The following CAPN7 variants were observed in gnomAD, a reference collection of about 807,000 sequenced individuals.
CAPN7 encodes the protein calpain 7.
In CAPN7, 72 loss-of-function variants were observed where a neutral mutation model predicts 115.2. The ratio of observed to expected loss-of-function variants is 0.63; its 90% CI spans 0.52 to 0.76. CAPN7 has a LOEUF of 0.76. Ranked by LOEUF, CAPN7 falls within the 30% of genes least tolerant of loss-of-function variation. The pLI, the probability that CAPN7 is intolerant of heterozygous loss-of-function variation, is 0.00. For synonymous variants in CAPN7, 344 were observed against 322.3 expected, an observed-to-expected ratio of 1.07 and a Z score of -0.72; for missense variants, 905 against 971.5, an observed-to-expected ratio of 0.93 and a Z score of 0.91.
At chr3:15,208,148 G>A (rs1009510216) in intron 1 of CAPN7, among the ~76,000 whole-genome samples, 1 of 150,670 alleles carries the variant, frequency 6.6e-6, no homozygotes, top group Admixed American at 6.6e-5. Flanking sequence ...GTCTGTTGTT[G>A]ACTGAAATGT....
chr3:15,249,774 CT>C lies in CAPN7; in HGVS notation c.2205-1147del, dbSNP rs998736762. On this transcript the variant is annotated intron_variant, in intron 19 of 20. Coordinates refer to ENST00000253693, the MANE Select transcript of CAPN7 (RefSeq NM_014296.3). ...TTGTTACAATAACAATTTTTTTTTT[CT>C]TTTTTTTTTGAGACAGAGTCTTGCT... Among the ~76,000 whole-genome samples, 21 of 144,052 alleles carry C rather than the reference CT, an allele frequency of 1.5e-4. No homozygotes were observed. The East Asian group carries it at 2.2e-3, about 15-fold the overall frequency. 94.5% of individuals were successfully genotyped at this position (144,052 alleles called of 152,430 possible).
Position 15,233,969 on chromosome 3 carries a change from C to G in CAPN7, c.1282C>G (p.Gln428Glu). The change falls in exon 11 of 21, where the codon CAA becomes GAA. Residue 428 changes from glutamine (Q) to glutamate (E), a missense_variant. Transcript: ENST00000253693. ...SKDNSFRMLYQRFHKGDVLIT... is the reference protein window; with the variant it reads ...SKDNSFRMLYERFHKGDVLIT... The stretch of plus-strand genomic sequence containing the variant: ...GGATAATTCTTTCAGAATGCTTTAT[C>G]AAAGGTAAACATTTTTCTTTGTTTT... The G allele has an allele frequency of 6.7e-7, 1 of 1,496,750 alleles. No individual in the cohort carries two copies. Among genetic ancestry groups the G allele is most frequent in the Non-Finnish European group, 9.3e-7 (1 of 1,078,848 alleles). The allele number at this position is 1,496,750 out of a possible 1,614,324, so 92.7% of individuals were successfully genotyped here. A position where few individuals can be genotyped will look rare whatever the true frequency, so the allele number is the denominator to read the frequency against.
rs547290915 is a variant in CAPN7, at chr3:15,227,745, T to C, written c.726-94T>C. ...GATAATACAGTACTGCTATAATCAC[T>C]AGACCAAAAAAAAAATCTCTAGGAA... is the stretch of plus-strand genomic sequence containing the variant. On this transcript the variant is annotated intron_variant, in intron 6 of 20. Transcript: ENST00000253693. The C allele has an allele frequency of 1.8e-5, 14 of 772,746 alleles. No homozygotes were observed. The East Asian group carries it at 4.4e-4, about 24-fold the overall frequency. 47.9% of individuals were successfully genotyped at this position (772,746 alleles called of 1,614,324 possible). A position where few individuals can be genotyped will look rare whatever the true frequency, so the allele number is the denominator to read the frequency against.
intron 1 of CAPN7, among the ~76,000 whole-genome samples, chr3:15,210,425 GATA>G (rs945854330): frequency 4.6e-5 from 7 of 151,942 alleles, no homozygotes; most frequent in African/African-American, 1.7e-4. Context: ...AATGTATTTA[GATA>G]ATGATGGTAT....
At chr3:15,235,712 G>T (rs917167901) in intron 12 of CAPN7, among the ~76,000 whole-genome samples, 4 of 151,708 alleles carry the variant, frequency 2.6e-5, no homozygotes, top group African/African-American at 9.7e-5. Flanking sequence ...TGATCTGACA[G>T]GGGGCAGAGC....
In CAPN7 at chr3:15,227,971, C is replaced by A. The variant is rs963879420; in HGVS notation, c.852+6C>A. 2 of 1,422,004 alleles carry A rather than the reference C, an allele frequency of 1.4e-6. No homozygotes were observed. The highest frequency in any genetic ancestry group is 1.8e-5 in the South Asian group (1 of 57,114). The allele number at this position is 1,422,004 out of a possible 1,614,324, so 88.1% of individuals were successfully genotyped here. ...CCAGTTTTAGCATAAAGCAGGTGAG[C>A]ATTTATTTTGTATGATTTTATAGAA... On this transcript the variant is annotated splice_donor_region_variant and intron_variant, in intron 7 of 20. Transcript: ENST00000253693.
At chr3:15,211,457 TGAGA>T (rs1363287542) in intron 1 of CAPN7, among the ~76,000 whole-genome samples, 1 of 152,136 alleles carries the variant, frequency 6.6e-6, no homozygotes, top group Admixed American at 6.5e-5. Context: ...ATGTTAAAAT[TGAGA>T]GAGAGCCTGG....
intron 1 of CAPN7, among the ~76,000 whole-genome samples, chr3:15,210,167 ATT>A (rs556065350): frequency 0.13 from 18,736 of 146,688 alleles, 3,893 homozygotes; most frequent in African/African-American, 0.43. Context: ...TACCTGGCTA[ATT>A]TTTTTTTTTT....
At chr3:15,227,731 A>T in intron 6 of CAPN7, 108 bp from the exon 7 acceptor site, 2 of 560,460 alleles carry the variant, frequency 3.6e-6, no homozygotes, top group Non-Finnish European at 5.7e-6. Context: ...ATAATACAGT[A>T]CTGCTATAAT....
intron 18 of CAPN7, 89 bp from the exon 19 acceptor site, chr3:15,247,235 CTTT>C (rs59046014): frequency 6.9e-4 from 515 of 745,850 alleles, no homozygotes; most frequent in Middle Eastern, 1.7e-3. Flanking sequence ...GGAAAATTGC[CTTT>C]TTTTTTTTTT....
chr3:15,250,817 C>G lies in CAPN7; in HGVS notation c.2205-114C>G, dbSNP rs546283935. On this transcript the variant is annotated intron_variant, in intron 19 of 20. Transcript: ENST00000253693. ...CAAAAATAGAGTGTGTATGTTTCTA[C>G]TGAAACTTCAGAAACATAAACTTAG... The G allele has an allele frequency of 1.2e-4, 84 of 722,034 alleles. No homozygotes were observed. The South Asian group carries it at 1.5e-3, about 13-fold the overall frequency. 44.7% of individuals were successfully genotyped at this position (722,034 alleles called of 1,614,324 possible).
chr3:15,249,659 T>G (rs1695883268), intron 19 of CAPN7, among the ~76,000 whole-genome samples: 1 of 152,218 alleles, frequency 6.6e-6, no homozygotes. Context: ...CCTTACTGAT[T>G]TGGAATGCCA....
intron 19 of CAPN7, among the ~76,000 whole-genome samples, chr3:15,249,019 A>C (rs1001671053): frequency 5.4e-5 from 8 of 148,218 alleles, no homozygotes; most frequent in Non-Finnish European, 1.0e-4. Context: ...AAAAAAAAAA[A>C]AAAAACAAAA....
chr3:15,242,840 T>C (rs151332279), intron 16 of CAPN7, among the ~76,000 whole-genome samples: 88 of 152,348 alleles, frequency 5.8e-4, no homozygotes, highest in African/African-American at 2.0e-3. Flanking sequence ...ACACATTGTG[T>C]TGAAACCACT....
chr3:15,229,156 T>C (rs1694515678), intron 8 of CAPN7, 97 bp downstream of exon 8: 1 of 809,516 alleles, frequency 1.2e-6, no homozygotes. Context: ...GGAGAGGGCA[T>C]ATCATTCAGA....
intron 1 of CAPN7, chr3:15,210,998 G>T: frequency 9.7e-7 from 1 of 1,034,628 alleles, no homozygotes; most frequent in Non-Finnish European, 1.2e-6. Flanking sequence ...TGGTGATGAG[G>T]AGAATGGAAA....
chr3:15,208,199 A>G (rs969230000), intron 1 of CAPN7, among the ~76,000 whole-genome samples: 4 of 145,074 alleles, frequency 2.8e-5, no homozygotes, highest in Non-Finnish European at 6.0e-5. Flanking sequence ...TTTTATGCGT[A>G]TGTGTATATG....
At chr3:15,233,444 C>T (rs1418838282) in intron 10 of CAPN7, among the ~76,000 whole-genome samples, 1 of 152,184 alleles carries the variant, frequency 6.6e-6, no homozygotes, top group African/African-American at 2.4e-5. Flanking sequence ...TTGCTCTATC[C>T]TTCACATACT....
chr3:15,214,012 C>G (rs576463774), intron 2 of CAPN7, among the ~76,000 whole-genome samples: 3 of 152,018 alleles, frequency 2.0e-5, no homozygotes, highest in African/African-American at 7.2e-5. Flanking sequence ...TCCCCAGTAG[C>G]TGAGACTACA....
Sources: allele counts gnomAD v4.1 joint callset (sites outside exome capture counted in the v4.1 genomes callset), GRCh38; gene constraint gnomAD v4.1.1; transcripts MANE v1.5; gene names NCBI Gene and HGNC (gene_info 2026-07-23, HGNC 2026-07-21).